Variants in TBC1D19 observed in about 807,000 individuals in gnomAD.
TBC1D19 encodes TBC1 domain family, member 19.
TBC1D19 carries 60 observed loss-of-function variants against 89.0 expected under a neutral mutation model. The ratio of observed to expected loss-of-function variants is 0.67; its 90% CI spans 0.55 to 0.84. TBC1D19 has a LOEUF of 0.84. TBC1D19 is among the 40% of genes least tolerant of loss of function. The pLI, the probability that TBC1D19 is intolerant of heterozygous loss-of-function variation, is 0.00. For missense variants in TBC1D19, 500 were observed against 610.8 expected (o/e 0.82, Z 1.91); for synonymous variants, 189 against 199.7 (o/e 0.95, Z 0.45).
chr4:26,712,226 T>C (rs1716246751), intron 13 of TBC1D19, among the ~76,000 whole-genome samples: 1 of 152,122 alleles, frequency 6.6e-6, no homozygotes, highest in African/African-American at 2.4e-5. Flanking sequence ...TCTATTAGTT[T>C]ATTATTGCTG....
intron 13 of TBC1D19, among the ~76,000 whole-genome samples, chr4:26,695,315 T>A (rs60341108): frequency 6.6e-6 from 1 of 152,186 alleles, no homozygotes; most frequent in Non-Finnish European, 1.5e-5. Context: ...GAAAAAAGAA[T>A]AAAAAGAAAT....
intron 7 of TBC1D19, among the ~76,000 whole-genome samples, chr4:26,652,989 T>A (rs1028446336): frequency 5.3e-5 from 8 of 152,230 alleles, no homozygotes; most frequent in Non-Finnish European, 8.8e-5. Flanking sequence ...TTTCCTGCTT[T>A]CTCTTGTGGG....
At chr4:26,616,448 C>T (rs2110022349) in intron 3 of TBC1D19, among the ~76,000 whole-genome samples, 1 of 152,206 alleles carries the variant, frequency 6.6e-6, no homozygotes, top group South Asian at 2.1e-4. Flanking sequence ...GAAACATTTC[C>T]CCTAACATAA....
intron 2 of TBC1D19, among the ~76,000 whole-genome samples, chr4:26,613,698 AC>A (rs1741511213): frequency 6.6e-6 from 1 of 152,172 alleles, no homozygotes; most frequent in African/African-American, 2.4e-5. Flanking sequence ...AATACTGTTT[AC>A]CTTACTGGTA....
At chr4:26,818,284 G>A in the TBC1D19 span, among the ~76,000 whole-genome samples, 582 of 152,264 alleles carry the variant, frequency 3.8e-3, 6 homozygotes, top group African/African-American at 0.014. Flanking sequence ...CTGGAGTGCA[G>A]TGGCACAATC....
chr4:26,601,956 T>C (rs1740634909), intron 1 of TBC1D19, among the ~76,000 whole-genome samples: 1 of 152,218 alleles, frequency 6.6e-6, no homozygotes, highest in African/African-American at 2.4e-5. Context: ...TGTTGTGACA[T>C]CTTTTCTTTC....
At chr4:26,745,282 T>C (rs527729116) in intron 18 of TBC1D19, among the ~76,000 whole-genome samples, 2 of 152,058 alleles carry the variant, frequency 1.3e-5, no homozygotes, top group Admixed American at 1.3e-4. Context: ...TCGGTGTGTT[T>C]ATACCATTTA....
intron 13 of TBC1D19, among the ~76,000 whole-genome samples, chr4:26,705,694 A>G (rs1251062524): frequency 2.6e-5 from 4 of 152,272 alleles, no homozygotes; most frequent in Admixed American, 1.3e-4. Context: ...TTTGATTATT[A>G]TAGCTTTCTA....
intron 4 of TBC1D19, 22 bp from the exon 5 acceptor site, chr4:26,637,188 AT>A: frequency 6.5e-7 from 1 of 1,529,094 alleles, no homozygotes; most frequent in Non-Finnish European, 9.0e-7. Flanking sequence ...GGAAAAGATA[AT>A]TGATTGTTTT....
intron 2 of TBC1D19, 41 bp downstream of exon 2, chr4:26,613,282 A>T: frequency 7.8e-7 from 1 of 1,279,494 alleles, no homozygotes; most frequent in African/African-American, 1.5e-5. Context: ...AAAATAAGAA[A>T]ATGTTTTATT....
intron 1 of TBC1D19, among the ~76,000 whole-genome samples, chr4:26,578,403 T>C (rs955892291): frequency 1.3e-5 from 2 of 152,198 alleles, no homozygotes; most frequent in Non-Finnish European, 2.9e-5. Context: ...AGCCGTCCTA[T>C]TCTCATAACA....
intron 7 of TBC1D19, among the ~76,000 whole-genome samples, chr4:26,657,035 CTCTTTCTTCTTCCTCTTCTTGTT>C (rs1744893551): frequency 5.8e-5 from 6 of 103,078 alleles, no homozygotes; most frequent in East Asian, 3.3e-4. Context: ...TTCTCCTTCT[CTCTTTCTTCTTCCTCTTCTTGTT>C]CTTCTTCTTC....
intron 7 of TBC1D19, among the ~76,000 whole-genome samples, chr4:26,658,654 G>T (rs1001430450): frequency 3.3e-5 from 5 of 152,142 alleles, no homozygotes; most frequent in African/African-American, 1.2e-4. Flanking sequence ...GGATAGCATT[G>T]AATCTATAAA....
chr4:26,585,310 GC>G (rs1477971397), intron 1 of TBC1D19: 4 of 290,242 alleles, frequency 1.4e-5, no homozygotes, highest in Admixed American at 4.8e-5. Flanking sequence ...GCTTGATGCT[GC>G]CAGTCTTTTA....
chr4:26,592,934 A>G (rs578185003), intron 1 of TBC1D19, among the ~76,000 whole-genome samples: 183 of 152,170 alleles, frequency 1.2e-3, no homozygotes, highest in Non-Finnish European at 2.0e-3. Context: ...TATAGATTCA[A>G]TGCCATCCCC....
At chr4:26,623,563 A>G (rs260958) in intron 4 of TBC1D19, among the ~76,000 whole-genome samples, 55,469 of 151,922 alleles carry the variant, frequency 0.37, 11,431 homozygotes, top group Non-Finnish European at 0.47. Context: ...TTTTGCTCCA[A>G]TCCTCTAAGA....
At chr4:26,854,595 C>A in the TBC1D19 span, among the ~76,000 whole-genome samples, 13 of 152,196 alleles carry the variant, frequency 8.5e-5, no homozygotes, top group Admixed American at 3.3e-4. Flanking sequence ...TTCCTTGGAG[C>A]GTGACTTGTT....
chr4:26,760,047 T>G (rs1719406641), downstream of TBC1D19, among the ~76,000 whole-genome samples: 1 of 152,172 alleles, frequency 6.6e-6, no homozygotes, highest in Admixed American at 6.5e-5. Flanking sequence ...TCTTCTGAAG[T>G]GGTTCTACTG....
chr4:26,582,282 A>C (rs1181815190), upstream of TBC1D19, among the ~76,000 whole-genome samples: 1 of 152,070 alleles, frequency 6.6e-6, no homozygotes, highest in Non-Finnish European at 1.5e-5. Flanking sequence ...GATATTTTAC[A>C]CTCTTGATAC....
Sources: gnomAD v4.1 joint callset for allele counts (sites outside exome capture counted in the v4.1 genomes callset) on GRCh38, gnomAD v4.1.1 for gene constraint, MANE v1.5 for transcripts, NCBI Gene and HGNC (gene_info 2026-07-23, HGNC 2026-07-21) for gene names.